The following RPS6KA5 variants were observed in gnomAD, a reference collection of about 807,000 sequenced individuals.
RPS6KA5 encodes the protein ribosomal protein S6 kinase alpha-5.
A neutral mutation model predicts 85.5 loss-of-function variants in RPS6KA5; 27 were observed. The observed-to-expected ratio is 0.32, with a 90% confidence interval of 0.23 to 0.44. The LOEUF (loss-of-function observed/expected upper bound fraction) is 0.44, where lower values mean the gene tolerates loss of function less well. Among genes scored for constraint, RPS6KA5 ranks in the 20% least tolerant of loss-of-function variants. The pLI is 1.00. For synonymous variants in RPS6KA5, 334 were observed against 348.2 expected (o/e 0.96, Z 0.46); for missense variants, 811 against 980.9 (o/e 0.83, Z 2.31).
At chr14:90,996,327 G>GC (rs1464568517) in intron 2 of RPS6KA5, among the ~76,000 whole-genome samples, 1 of 151,428 alleles carries the variant, frequency 6.6e-6, no homozygotes, top group Non-Finnish European at 1.5e-5. Context: ...ATAAGCCATT[G>GC]CACCAGGCCT....
At chr14:90,965,846 A>T (rs1330903954) in intron 3 of RPS6KA5, among the ~76,000 whole-genome samples, 1 of 152,178 alleles carries the variant, frequency 6.6e-6, no homozygotes, top group East Asian at 1.9e-4. Flanking sequence ...ATGGAACCCA[A>T]AGGAAGTAGG....
In RPS6KA5 at chr14:90,900,609, A is replaced by G; in HGVS notation, c.1245+2T>C. 1 of 1,612,816 alleles carries G rather than the reference A, an allele frequency of 6.2e-7. No individual in the cohort carries two copies. The highest frequency in any genetic ancestry group is 8.5e-7 in the Non-Finnish European group (1 of 1,179,576). ...GTCATATAAGTTACCACATCTATAT[A>G]CCTTCATCATTGCACTCCTGGCAAC... On this transcript the variant is annotated splice_donor_variant, in intron 10 of 16. Coordinates refer to ENST00000614987, the MANE Select transcript of RPS6KA5 (RefSeq NM_004755.4). LOFTEE classifies it high-confidence loss of function.
chr14:90,937,068 C>G (rs1476465154), intron 5 of RPS6KA5, among the ~76,000 whole-genome samples: 1 of 151,806 alleles, frequency 6.6e-6, no homozygotes, highest in African/African-American at 2.4e-5. Flanking sequence ...TAGGACTGAG[C>G]TGAGGGGAAC....
chr14:90,949,578 T>C (rs889565912), intron 3 of RPS6KA5, among the ~76,000 whole-genome samples: 1 of 152,204 alleles, frequency 6.6e-6, no homozygotes, highest in Non-Finnish European at 1.5e-5. Flanking sequence ...AAAACCACTC[T>C]GAAACTTAAG....
intron 7 of RPS6KA5, among the ~76,000 whole-genome samples, chr14:90,909,437 C>T (rs1286135): frequency 6.6e-6 from 1 of 151,974 alleles, no homozygotes; most frequent in Admixed American, 6.6e-5. Flanking sequence ...ATATTAAACC[C>T]CTCACGTGTA....
intron 5 of RPS6KA5, among the ~76,000 whole-genome samples, chr14:90,927,459 G>A (rs976830504): frequency 6.6e-6 from 1 of 151,848 alleles, no homozygotes; most frequent in African/African-American, 2.4e-5. Flanking sequence ...ATTTATAAAA[G>A]GCACACCTAA....
chr14:90,986,700 G>A (rs891261601), intron 2 of RPS6KA5, among the ~76,000 whole-genome samples: 1 of 152,080 alleles, frequency 6.6e-6, no homozygotes, highest in Admixed American at 6.5e-5. Flanking sequence ...AGGTAGACAG[G>A]GGCCACCACA....
At chr14:90,924,926 G>T (rs1214927695) in intron 5 of RPS6KA5, among the ~76,000 whole-genome samples, 2 of 152,166 alleles carry the variant, frequency 1.3e-5, no homozygotes, top group Admixed American at 6.5e-5. Flanking sequence ...AATCATATCT[G>T]CCTGTGACAG....
chr14:91,023,737 G>C (rs2041882744), intron 1 of RPS6KA5, among the ~76,000 whole-genome samples: 1 of 147,596 alleles, frequency 6.8e-6, no homozygotes, highest in African/African-American at 2.5e-5. Flanking sequence ...TTAAGAAGTT[G>C]GATGCCAACC....
intron 10 of RPS6KA5, 46 bp downstream of exon 10, chr14:90,900,561 ACACT>A (rs1401781079): frequency 1.9e-6 from 3 of 1,564,736 alleles, no homozygotes; most frequent in Middle Eastern, 1.7e-4. Context: ...TGGTATTTAA[ACACT>A]CACAAAACCT....
intron 1 of RPS6KA5, among the ~76,000 whole-genome samples, chr14:91,002,841 A>G (rs2040845264): frequency 1.3e-5 from 2 of 152,020 alleles, no homozygotes; most frequent in South Asian, 4.1e-4. Flanking sequence ...CCACCATTCT[A>G]TTTTCTATTT....
At position 90,873,673 on chromosome 14, in the gene RPS6KA5, A is replaced by G; in HGVS notation, c.2119T>C (p.Ser707Pro). Residue 707 changes from serine to proline, a missense_variant, in exon 16 of 17, where the codon TCC becomes CCC. By Grantham distance (74) the Ser-to-Pro change is moderately conservative. This residue lies in a region of RPS6KA5 where 650 missense variants were observed against 793.4 expected (regional missense o/e 0.82). Transcript: ENST00000614987. ...PLMTPDILGSSGAAVHTCVKA... is the reference protein window; with the variant it reads ...PLMTPDILGSPGAAVHTCVKA... ...ACACAGGTATGCACGGCAGCTCCGGAAGATCCTAGAATATCCGGAGTCATC... is the reference window on the plus strand; with the variant it reads ...ACACAGGTATGCACGGCAGCTCCGGGAGATCCTAGAATATCCGGAGTCATC... 6.2e-7 allele frequency: 1 copy of G among 1,614,156 alleles called. No individual in the cohort carries two copies. Among genetic ancestry groups the G allele is most frequent in the Non-Finnish European group, 8.5e-7 (1 of 1,180,016 alleles).
At chr14:90,994,251 A>G (rs965585119) in intron 2 of RPS6KA5, among the ~76,000 whole-genome samples, 1 of 151,838 alleles carries the variant, frequency 6.6e-6, no homozygotes, top group African/African-American at 2.4e-5. Flanking sequence ...TTTTCTTCAA[A>G]TCTATCTTCC....
Position 90,894,534 on chromosome 14 carries a change from T to G in RPS6KA5, c.1523A>C (p.Glu508Ala), listed in dbSNP as rs778673783. Residue 508 changes from glutamate (E) to alanine (A), a missense_variant, in exon 13 of 17, where the codon GAG becomes GCG. Glu to Ala is a moderately radical substitution (Grantham distance 107). Coordinates refer to ENST00000614987, the MANE Select transcript of RPS6KA5 (RefSeq NM_004755.4). ...MELLNGGELFERIKKKKHFSE... is the reference protein window; with the variant it reads ...MELLNGGELFARIKKKKHFSE... ...GAAGTGCTTCTTTTTCTTAATGCGC[T>G]CAAACAGTTCTCCTCCATTCAGAAG... 6.2e-7 allele frequency: 1 copy of G among 1,614,136 alleles called. No individual in the cohort carries two copies. Among genetic ancestry groups the G allele is most frequent in the Admixed American group, 1.7e-5 (1 of 60,020 alleles).
chr14:91,032,808 A>C (rs1343410335), intron 1 of RPS6KA5, among the ~76,000 whole-genome samples: 2 of 152,066 alleles, frequency 1.3e-5, no homozygotes, highest in African/African-American at 2.4e-5. Flanking sequence ...AGAAAAACAT[A>C]CAACAGAAAA....
chr14:91,028,819 A>G (rs928087235), intron 1 of RPS6KA5, among the ~76,000 whole-genome samples: 1 of 152,188 alleles, frequency 6.6e-6, no homozygotes, highest in African/African-American at 2.4e-5. Context: ...CGCCCAGCCT[A>G]TTTTTAATAA....
chr14:90,951,925 C>T (rs371582215), intron 3 of RPS6KA5, among the ~76,000 whole-genome samples: 2 of 152,088 alleles, frequency 1.3e-5, no homozygotes, highest in South Asian at 2.1e-4. Context: ...CCCTCACATC[C>T]GTGATTCTGA....
At chr14:90,935,481 ATAT>A (rs2140331234) in intron 5 of RPS6KA5, among the ~76,000 whole-genome samples, 1 of 152,314 alleles carries the variant, frequency 6.6e-6, no homozygotes, top group East Asian at 1.9e-4. Flanking sequence ...GGTATGATAA[ATAT>A]TATTTTACAG....
At chr14:90,974,831 A>G (rs987273244) in intron 3 of RPS6KA5, among the ~76,000 whole-genome samples, 3 of 152,256 alleles carry the variant, frequency 2.0e-5, no homozygotes, top group Non-Finnish European at 4.4e-5. Context: ...CCATGGGATC[A>G]TGAGAAAATA....
Sources: allele counts gnomAD v4.1 joint callset (sites outside exome capture counted in the v4.1 genomes callset), GRCh38; gene constraint gnomAD v4.1.1; regional missense constraint gnomAD v4.1.1; transcripts MANE v1.5; gene names NCBI Gene and HGNC (gene_info 2026-07-23, HGNC 2026-07-21).